CHRNB1: variants seen among roughly 807,000 people sequenced by gnomAD.
The protein encoded by CHRNB1 is cholinergic receptor nicotinic beta 1 subunit.
CHRNB1 carries 47 observed loss-of-function variants against 53.8 expected under a neutral mutation model. The ratio of observed to expected loss-of-function variants is 0.87; its 90% CI spans 0.69 to 1.11. CHRNB1 has a LOEUF of 1.11. Among genes scored for constraint, CHRNB1 ranks in the 50% most tolerant of loss-of-function variants. The pLI is 0.00. For synonymous variants in CHRNB1, 259 were observed against 263.5 expected (o/e 0.98, Z 0.16); for missense variants, 605 against 654.9 (o/e 0.92, Z 0.83).
Position 7,446,106 on chromosome 17 carries a change from T to C in CHRNB1, c.236T>C (p.Leu79Ser), listed in dbSNP as rs142801700. 111 of 1,613,988 alleles carry C rather than the reference T, an allele frequency of 6.9e-5. No individual in the cohort carries two copies. In the East Asian group the frequency reaches 2.2e-3, roughly 32 times the overall value. ...GAAGAGATGAGCACAAAGGTGTACT[T>C]AGACCTGGTATGGAGACCCCACGGG... The part of the protein sequence containing the change: ...KDEEMSTKVY[L>S]DLEWTDYRLS... The change falls in exon 3 of 11, where the codon TTA (leucine) becomes TCA (serine). Residue 79 changes from leucine to serine, a missense_variant. Leu to Ser is a moderately radical substitution (Grantham distance 145). Coordinates refer to ENST00000306071, the MANE Select transcript of CHRNB1 (RefSeq NM_000747.3).
At chr17:7,451,922 C>G (rs1334939116) in intron 7 of CHRNB1, among the ~76,000 whole-genome samples, 2 of 152,220 alleles carry the variant, frequency 1.3e-5, no homozygotes, top group African/African-American at 2.4e-5. Context: ...GCCACCCACA[C>G]CAGGCTGTCC....
At chr17:7,446,972 G>A (rs1362731795) in intron 4 of CHRNB1, 30 bp downstream of exon 4, 1 of 1,607,902 alleles carries the variant, frequency 6.2e-7, no homozygotes, top group African/African-American at 1.3e-5. Flanking sequence ...CCGGGAGGTG[G>A]CGCGGGGCCT....
intron 7 of CHRNB1, among the ~76,000 whole-genome samples, chr17:7,452,239 G>C (rs375403827): frequency 1.1e-4 from 17 of 151,950 alleles, no homozygotes; most frequent in African/African-American, 3.9e-4. Context: ...TGTAATTTAA[G>C]TAGAGATGGG....
rs1323863057 is a variant in CHRNB1, at chr17:7,455,785, C to G, written c.1218-9C>G. 10 of 1,614,096 alleles carry G rather than the reference C, an allele frequency of 6.2e-6. No individual in the cohort carries two copies. The South Asian group carries it at 1.1e-4, about 18-fold the overall frequency. On this transcript the variant is annotated splice_polypyrimidine_tract_variant and intron_variant, in intron 9 of 10. Coordinates refer to ENST00000306071, the MANE Select transcript of CHRNB1 (RefSeq NM_000747.3). ...TGCGTTTGGGCGTGGCCAGTCACTC[C>G]TCTTCCAGGTTCCAGCCTGAACTGT...
chr17:7,446,083 AGAGAT>A lies in CHRNB1; in HGVS notation c.217_221del (p.Met73HisfsTer11). 6.2e-7 allele frequency: 1 copy of A among 1,614,050 alleles called. No individual in the cohort carries two copies. ...TTCCCTTCTAGAACGAGAAGGATGAAGAGATGAGCACAAAGGTGTACTTAGACCTG... is the reference window on the plus strand; with the variant it reads ...TTCCCTTCTAGAACGAGAAGGATGAAGAGCACAAAGGTGTACTTAGACCTG... On this transcript the variant is annotated frameshift_variant, in exon 3 of 11. Coordinates refer to ENST00000306071, the MANE Select transcript of CHRNB1 (RefSeq NM_000747.3). LOFTEE classifies it high-confidence loss of function.
In CHRNB1 at chr17:7,448,744, T is replaced by C; in HGVS notation, c.776T>C (p.Ile259Thr). 1 of 1,614,226 alleles carries C rather than the reference T, an allele frequency of 6.2e-7. No individual in the cohort carries two copies. Among genetic ancestry groups the C allele is most frequent in the Non-Finnish European group, 8.5e-7 (1 of 1,180,030 alleles). Reference sequence around the variant, plus strand: ...AACGTCATTGCCCCATGCATCCTCATCACTCTTCTGGCCATCTTCGTCTTC... The same window carrying C: ...AACGTCATTGCCCCATGCATCCTCACCACTCTTCTGGCCATCTTCGTCTTC... ...LVNVIAPCILITLLAIFVFYL... is the reference protein window; with the variant it reads ...LVNVIAPCILTTLLAIFVFYL... Residue 259 changes from isoleucine (I) to threonine (T), a missense_variant, in exon 7 of 11, where the codon ATC (isoleucine) becomes ACC (threonine). Coordinates refer to ENST00000306071, the MANE Select transcript of CHRNB1 (RefSeq NM_000747.3).
Position 7,447,042 on chromosome 17 carries a change from G to C in CHRNB1, c.354-1G>C. 6.2e-7 allele frequency: 1 copy of C among 1,614,102 alleles called. No homozygotes were observed. Among genetic ancestry groups the C allele is most frequent in the African/African-American group, 1.3e-5 (1 of 75,064 alleles). On this transcript the variant is annotated splice_acceptor_variant, in intron 4 of 10. Coordinates refer to ENST00000306071, the MANE Select transcript of CHRNB1 (RefSeq NM_000747.3). LOFTEE classifies it high-confidence loss of function. ...TCCCTGATGAGATCCCTTCTCTGCA[G>C]CAATGATGGGAATTTTGACGTGGCT... is the stretch of plus-strand genomic sequence containing the variant.
Position 7,445,382 on chromosome 17 carries a change from T to C in CHRNB1, c.171T>C (p.Gly57=). 1 of 1,612,218 alleles carries C rather than the reference T, an allele frequency of 6.2e-7. No individual in the cohort carries two copies. The highest frequency in any genetic ancestry group is 2.2e-5 in the East Asian group (1 of 44,784). The change falls in exon 2 of 11, where the codon GGT becomes GGC. Residue 57 remains glycine, a synonymous_variant. Transcript: ENST00000306071. This position sits in a 1 kb window ranked among gnomAD's most constrained non-coding sequence, Gnocchi z 5.7. Reference sequence around the variant, plus strand: ...GAGACCGTGTCAGGGTCAGCGTTGGTCTCATCCTGGCGCAACTCATCAGCC... The same window carrying C: ...GAGACCGTGTCAGGGTCAGCGTTGGCCTCATCCTGGCGCAACTCATCAGCC... ...EVGDRVRVSV[G]LILAQLISLN...
chr17:7,447,011 G>T, intron 4 of CHRNB1, 32 bp from the exon 5 acceptor site: 1 of 1,611,346 alleles, frequency 6.2e-7, no homozygotes, highest in Non-Finnish European at 8.5e-7. Flanking sequence ...CGGGCGCGGG[G>T]CCTGATCCCT....
chr17:7,451,276 T>C (rs890578540), intron 7 of CHRNB1, among the ~76,000 whole-genome samples: 3 of 118,212 alleles, frequency 2.5e-5, no homozygotes, highest in African/African-American at 8.6e-5. Flanking sequence ...TTTCTTTTCT[T>C]TTTTTTTTTT....
At chr17:7,450,239 G>A (rs1309994227) in intron 7 of CHRNB1, among the ~76,000 whole-genome samples, 1 of 151,458 alleles carries the variant, frequency 6.6e-6, no homozygotes, top group Non-Finnish European at 1.5e-5. Context: ...CACCTCCTGG[G>A]TTCAAGCGAT....
chr17:7,445,353 G>A lies in CHRNB1; in HGVS notation c.142G>A (p.Val48Met). ...YDSSVRPARE[V>M]GDRVRVSVGL... ...TAGCTCCGTGCGGCCAGCGCGGGAG[G>A]TGGGAGACCGTGTCAGGGTCAGCGT... Residue 48 changes from valine to methionine, a missense_variant, in exon 2 of 11, where the codon GTG (valine) becomes ATG (methionine). Coordinates refer to ENST00000306071, the MANE Select transcript of CHRNB1 (RefSeq NM_000747.3). This position sits in a 1 kb window ranked among gnomAD's most constrained non-coding sequence, Gnocchi z 5.7. The A allele has an allele frequency of 6.2e-7, 1 of 1,613,032 alleles. No individual in the cohort carries two copies.
rs779852242 is a variant in CHRNB1, at chr17:7,455,787, C to T, written c.1218-7C>T. 3.8e-5 allele frequency: 62 copies of T among 1,614,080 alleles called. No homozygotes were observed. In the Middle Eastern group the frequency reaches 6.6e-4, roughly 17 times the overall value. On this transcript the variant is annotated splice_region_variant and splice_polypyrimidine_tract_variant and intron_variant, in intron 9 of 10. Transcript: ENST00000306071. The stretch of plus-strand genomic sequence containing the variant: ...CGTTTGGGCGTGGCCAGTCACTCCT[C>T]TTCCAGGTTCCAGCCTGAACTGTCT...
chr17:7,445,423 G>T lies in CHRNB1; in HGVS notation c.198+14G>T, dbSNP rs765610075. The stretch of plus-strand genomic sequence containing the variant: ...CTCATCAGCCTGGTGAGGGCGCGCG[G>T]GGGGTGGAGGTCAGGCCAGCCGACC... On this transcript the variant is annotated intron_variant, in intron 2 of 10. Transcript: ENST00000306071. The surrounding 1 kb of genome is among the most constrained non-coding windows in gnomAD (Gnocchi z 5.7). 6.8e-6 allele frequency: 11 copies of T among 1,610,120 alleles called. 1 individual carries two copies. The South Asian group carries it at 8.8e-5, about 13-fold the overall frequency.
At chr17:7,446,985 G>A (rs745997895) in intron 4 of CHRNB1, 43 bp downstream of exon 4, 20 of 1,605,816 alleles carry the variant, frequency 1.2e-5, no homozygotes, top group Non-Finnish European at 1.7e-5. Context: ...CGGGGCCTCG[G>A]GGGGCGGGGG....
In CHRNB1 at chr17:7,445,927, G is replaced by T; in HGVS notation, c.199-142G>T. The T allele has an allele frequency of 2.6e-6, 2 of 760,196 alleles. No individual in the cohort carries two copies. Among genetic ancestry groups the T allele is most frequent in the Non-Finnish European group, 2.4e-6 (1 of 424,926 alleles). The allele number at this position is 760,196 out of a possible 1,614,324, so 47.1% of individuals were successfully genotyped here. A position where few individuals can be genotyped will look rare whatever the true frequency, so the allele number is the denominator to read the frequency against. On this transcript the variant is annotated intron_variant, in intron 2 of 10. Coordinates refer to ENST00000306071, the MANE Select transcript of CHRNB1 (RefSeq NM_000747.3). The surrounding 1 kb of genome is among the most constrained non-coding windows in gnomAD (Gnocchi z 5.7). ...TAGAGGCAGGTCTTAAACTAACGCCGCTTCTGGGAGGTGGACTTGGACCCG... is the reference window on the plus strand; with the variant it reads ...TAGAGGCAGGTCTTAAACTAACGCCTCTTCTGGGAGGTGGACTTGGACCCG...
Position 7,447,037 on chromosome 17 carries a change from C to T in CHRNB1, c.354-6C>T, listed in dbSNP as rs768266029. 3.1e-6 allele frequency: 5 copies of T among 1,613,640 alleles called. No homozygotes were observed. The highest frequency in any genetic ancestry group is 1.6e-4 in the Middle Eastern group (1 of 6,062). On this transcript the variant is annotated splice_region_variant and splice_polypyrimidine_tract_variant and intron_variant, in intron 4 of 10. Coordinates refer to ENST00000306071, the MANE Select transcript of CHRNB1 (RefSeq NM_000747.3). ...CCTGATCCCTGATGAGATCCCTTCT[C>T]TGCAGCAATGATGGGAATTTTGACG...
Position 7,447,656 on chromosome 17 carries a change from T to C in CHRNB1, c.610+6T>C, listed in dbSNP as rs2302765. The C allele has an allele frequency of 0.16, 254,289 of 1,613,754 alleles. 21,213 individuals carry two copies. Among genetic ancestry groups the C allele is most frequent in the South Asian group, 0.22 (19,689 of 91,068 alleles). ...TCATGAAGGGACTTTCATTGGTGAGTAGGCATGGCTCCTACATCCATGGGC... is the reference window on the plus strand; with the variant it reads ...TCATGAAGGGACTTTCATTGGTGAGCAGGCATGGCTCCTACATCCATGGGC... On this transcript the variant is annotated splice_donor_region_variant and intron_variant, in intron 6 of 10. Coordinates refer to ENST00000306071, the MANE Select transcript of CHRNB1 (RefSeq NM_000747.3).
rs1487545161 is a variant in CHRNB1 at position 7,445,621 on chromosome 17, T to C, written c.198+212T>C. On this transcript the variant is annotated intron_variant, in intron 2 of 10. Coordinates refer to ENST00000306071, the MANE Select transcript of CHRNB1 (RefSeq NM_000747.3). The surrounding 1 kb of genome is among the most constrained non-coding windows in gnomAD (Gnocchi z 5.7). ...GGGCCTGGAGTAGAACTGGGTAGGG[T>C]GAAGGACGGACCTGTGATCGGACCT... The C allele has an allele frequency of 2.8e-6, 4 of 1,446,776 alleles. No individual in the cohort carries two copies. The highest frequency in any genetic ancestry group is 3.6e-6 in the Non-Finnish European group (4 of 1,103,528). The allele number at this position is 1,446,776 out of a possible 1,614,324, so 89.6% of individuals were successfully genotyped here. A position where few individuals can be genotyped will look rare whatever the true frequency, so the allele number is the denominator to read the frequency against.
Sources: gnomAD v4.1 joint callset for allele counts (sites outside exome capture counted in the v4.1 genomes callset) on GRCh38, gnomAD v4.1.1 for gene constraint, Gnocchi (gnomAD v3.1) non-coding constraint, MANE v1.5 for transcripts, NCBI Gene and HGNC (gene_info 2026-07-23, HGNC 2026-07-21) for gene names.